The following CFAP47 variants were observed in gnomAD, a reference collection of about 807,000 sequenced individuals.
CFAP47 encodes cilia- and flagella-associated protein 47.
A neutral mutation model predicts 148.1 loss-of-function variants in CFAP47; 29 were observed. The observed-to-expected ratio is 0.20, with a 90% CI of 0.15 to 0.27. CFAP47 has a LOEUF of 0.27. Among genes scored for constraint, CFAP47 ranks in the 10% least tolerant of loss-of-function variants. The pLI, the probability that CFAP47 is intolerant of heterozygous loss-of-function variation, is 1.00. For missense variants in CFAP47, 1,872 were observed against 1,697.5 expected (o/e 1.10, Z -1.81); for synonymous variants, 664 against 577.3 (o/e 1.15, Z -2.15).
chrX:36,119,768 T>G (rs1190088617), intron 33 of CFAP47, among the ~76,000 whole-genome samples: 1 of 111,502 alleles, frequency 9.0e-6, no homozygotes, highest in South Asian at 3.7e-4. Context: ...TTTGGATATC[T>G]TCACGGTTTA....
chrX:36,133,868 G>A (rs559783432), intron 33 of CFAP47, among the ~76,000 whole-genome samples: 8 of 107,443 alleles, frequency 7.4e-5, no homozygotes, highest in South Asian at 8.3e-4. Flanking sequence ...CTCTTGCCCC[G>A]AGAAAGGGGC....
chrX:36,277,866 C>T (rs1941034108), intron 49 of CFAP47, among the ~76,000 whole-genome samples: 1 of 112,300 alleles, frequency 8.9e-6, no homozygotes, highest in Admixed American at 9.4e-5. Context: ...AGGTCCACTC[C>T]AGACCCTGTT....
chrX:36,116,816 CT>C (rs1938649066), intron 33 of CFAP47, among the ~76,000 whole-genome samples: 1 of 111,514 alleles, frequency 9.0e-6, no homozygotes, highest in Admixed American at 9.5e-5. Context: ...TATAGTCACC[CT>C]GTTGTGCTAG....
At chrX:36,197,152 T>C (rs1939928886) in intron 42 of CFAP47, among the ~76,000 whole-genome samples, 1 of 112,172 alleles carries the variant, frequency 8.9e-6, no homozygotes, top group African/African-American at 3.2e-5. Flanking sequence ...TTTTTTGAGA[T>C]ATGGTAATAT....
At chrX:36,254,997 T>C (rs1490849845) in intron 49 of CFAP47, among the ~76,000 whole-genome samples, 2 of 111,359 alleles carry the variant, frequency 1.8e-5, no homozygotes, top group Non-Finnish European at 3.8e-5. Flanking sequence ...TGTTTGTTGG[T>C]AGAAAGAAAT....
rs777589684 is a variant in CFAP47 at position 36,099,926 on chromosome X, A to T, written c.5127+47A>T. ...GCTGCTTCTCTGTTGATTAATATGAATCATATGTTAATTAAAGTATAGACA... is the reference window on the plus strand; with the variant it reads ...GCTGCTTCTCTGTTGATTAATATGATTCATATGTTAATTAAAGTATAGACA... On this transcript the variant is annotated intron_variant, in intron 32 of 63. Coordinates refer to ENST00000378653, the MANE Select transcript of CFAP47 (RefSeq NM_001304548.2). 7 of 655,196 alleles carry T rather than the reference A, an allele frequency of 1.1e-5. No homozygotes were observed. The Admixed American group carries it at 1.6e-4, about 15-fold the overall frequency. 54.0% of individuals were successfully genotyped at this position (655,196 alleles called of 1,213,427 possible). A position where few individuals can be genotyped will look rare whatever the true frequency, so the allele number is the denominator to read the frequency against.
At chrX:36,208,896 G>A (rs1940069723) in intron 45 of CFAP47, among the ~76,000 whole-genome samples, 1 of 109,574 alleles carries the variant, frequency 9.1e-6, no homozygotes, top group African/African-American at 3.3e-5. Flanking sequence ...AACCTGGGAG[G>A]CGGAGTTTGC....
intron 48 of CFAP47, among the ~76,000 whole-genome samples, chrX:36,243,647 G>GTGTGTA (rs1179341078): frequency 3.4e-4 from 22 of 64,226 alleles, no homozygotes; most frequent in African/African-American, 8.8e-4. Flanking sequence ...ATATGTGTGT[G>GTGTGTA]TATATATATA....
At chrX:36,334,014 A>G (rs1248195987) in intron 57 of CFAP47, among the ~76,000 whole-genome samples, 1 of 111,609 alleles carries the variant, frequency 9.0e-6, no homozygotes, top group Non-Finnish European at 1.9e-5. Flanking sequence ...AAAAATATAC[A>G]AATGTGCTGA....
At chrX:36,214,360 G>A (rs1569290351) in intron 45 of CFAP47, among the ~76,000 whole-genome samples, 1 of 111,661 alleles carries the variant, frequency 9.0e-6, no homozygotes, top group African/African-American at 3.3e-5. Flanking sequence ...TGAATGAGTG[G>A]TGAGTGAATG....
At chrX:36,313,439 C>T (rs1408058753) in intron 56 of CFAP47, among the ~76,000 whole-genome samples, 1 of 110,664 alleles carries the variant, frequency 9.0e-6, no homozygotes, top group African/African-American at 3.3e-5. Flanking sequence ...TAGGATAAAC[C>T]GCCCCATAAT....
At chrX:35,980,238 T>C (rs1440542287) in intron 15 of CFAP47, among the ~76,000 whole-genome samples, 1 of 111,888 alleles carries the variant, frequency 8.9e-6, no homozygotes, top group Non-Finnish European at 1.9e-5. Flanking sequence ...AGCCATCCAG[T>C]TTCTTTCCCA....
intron 33 of CFAP47, among the ~76,000 whole-genome samples, chrX:36,128,744 A>AAT (rs1040435633): frequency 1.9e-4 from 21 of 109,910 alleles, no homozygotes; most frequent in African/African-American, 5.6e-4. Flanking sequence ...AATAATATTG[A>AAT]ATATATATAT....
intron 2 of CFAP47, 107 bp downstream of exon 2, chrX:35,926,275 A>G (rs1220671508): frequency 1.8e-6 from 1 of 552,848 alleles, no homozygotes; most frequent in East Asian, 3.9e-5. Context: ...CTGACAGTTG[A>G]ACTTAAAGGA....
At chrX:36,179,443 C>T in intron 40 of CFAP47, 21 bp downstream of exon 40, 1 of 295,631 alleles carries the variant, frequency 3.4e-6, no homozygotes, top group Admixed American at 6.1e-5. Flanking sequence ...ATATTTTGTA[C>T]TCATAAGTAT....
intron 48 of CFAP47, among the ~76,000 whole-genome samples, chrX:36,245,125 A>G (rs1399244528): frequency 8.9e-6 from 1 of 112,212 alleles, no homozygotes; most frequent in African/African-American, 3.2e-5. Context: ...TCATCTTAAT[A>G]GATGCAGAAA....
intron 27 of CFAP47, among the ~76,000 whole-genome samples, chrX:36,069,877 G>C (rs1569248643): frequency 8.9e-6 from 1 of 111,996 alleles, no homozygotes; most frequent in Non-Finnish European, 1.9e-5. Flanking sequence ...GATTATTTTA[G>C]TATAGTTCAT....
intron 37 of CFAP47, among the ~76,000 whole-genome samples, chrX:36,156,808 A>G (rs961715993): frequency 1.8e-5 from 2 of 111,601 alleles, no homozygotes; most frequent in East Asian, 5.6e-4. Context: ...GGTCATTTAC[A>G]TGCTTCAATA....
intron 51 of CFAP47, among the ~76,000 whole-genome samples, chrX:36,296,014 AG>A (rs1941238790): frequency 8.9e-6 from 1 of 112,047 alleles, no homozygotes; most frequent in African/African-American, 3.2e-5. Flanking sequence ...AAGAGATTGC[AG>A]TACTGGTAGC....
Sources: gnomAD v4.1 joint callset for allele counts (sites outside exome capture counted in the v4.1 genomes callset) on GRCh38, gnomAD v4.1.1 for gene constraint, MANE v1.5 for transcripts, NCBI Gene and HGNC (gene_info 2026-07-23, HGNC 2026-07-21) for gene names.